CRB1: variants seen among roughly 807,000 people sequenced by gnomAD.
The protein encoded by CRB1 is crumbs cell polarity complex component 1, also known as protein crumbs homolog 1.
CRB1 carries 83 observed loss-of-function variants against 120.0 expected under a neutral mutation model. The observed-to-expected ratio is 0.69, with a 90% CI of 0.58 to 0.83. The LOEUF is 0.83. Among genes scored for constraint, CRB1 ranks in the 40% least tolerant of loss-of-function variants. The pLI, the probability that CRB1 is intolerant of heterozygous loss-of-function variation, is 0.00. For synonymous variants in CRB1, 625 were observed against 612.5 expected (o/e 1.02, Z -0.30); for missense variants, 1,699 against 1,687.6 (o/e 1.01, Z -0.12).
intron 1 of CRB1, among the ~76,000 whole-genome samples, chr1:197,323,224 G>A (rs1658304851): frequency 6.6e-6 from 1 of 152,008 alleles, no homozygotes; most frequent in Non-Finnish European, 1.5e-5. Context: ...AACATTAATT[G>A]TGTATAATAA....
the CRB1 span, among the ~76,000 whole-genome samples, chr1:197,242,060 A>C: frequency 9.2e-5 from 14 of 152,178 alleles, no homozygotes; most frequent in African/African-American, 3.1e-4. Context: ...ACTTTGCTGA[A>C]GTTGCTTATC....
At chr1:197,295,852 T>C (rs1285460727) in intron 1 of CRB1, among the ~76,000 whole-genome samples, 2 of 152,054 alleles carry the variant, frequency 1.3e-5, no homozygotes, top group Admixed American at 6.6e-5. Flanking sequence ...TAAAGTATTA[T>C]GTCTTCATAA....
chr1:197,318,793 T>TGTGGAAGTAGACA (rs1658005281), intron 1 of CRB1, among the ~76,000 whole-genome samples: 2 of 152,246 alleles, frequency 1.3e-5, no homozygotes, highest in South Asian at 4.1e-4. Flanking sequence ...AAGTTGTTCT[T>TGTGGAAGTAGACA]GTGGAAGTAG....
Position 197,453,769 on chromosome 1 carries a change from CTTA to C in CRB1, c.4005+11491_4005+11493del, listed in dbSNP as rs973280045. Among the ~76,000 whole-genome samples, 411 of 143,264 alleles carry C rather than the reference CTTA, an allele frequency of 2.9e-3. 4 individuals carry two copies. Among genetic ancestry groups the C allele is most frequent in the East Asian group, 0.02 (99 of 5,050 alleles). The allele number at this position is 143,264 out of a possible 152,430, so 94.0% of individuals were successfully genotyped here. ...TTTTCTTCTTCTACTTCCTCTTCTT[CTTA>C]TTATTATTATTATATTATTAATATA... On this transcript the variant is annotated intron_variant, in intron 11 of 11. Transcript: ENST00000367400.
At chr1:197,415,697 C>T (rs1663960433) in intron 5 of CRB1, among the ~76,000 whole-genome samples, 1 of 123,960 alleles carries the variant, frequency 8.1e-6, no homozygotes, top group Non-Finnish European at 1.6e-5. Context: ...GGCTGGAGTG[C>T]AGTGGTTTGA....
intron 5 of CRB1, among the ~76,000 whole-genome samples, chr1:197,412,442 A>T (rs1474508435): frequency 6.6e-6 from 1 of 152,214 alleles, no homozygotes; most frequent in Non-Finnish European, 1.5e-5. Flanking sequence ...AAGTTCTCAT[A>T]GCCTAGTATC....
intron 2 of CRB1, among the ~76,000 whole-genome samples, chr1:197,333,074 T>C (rs1228431517): frequency 6.6e-6 from 1 of 152,150 alleles, no homozygotes; most frequent in African/African-American, 2.4e-5. Context: ...TTTAGAGTGA[T>C]CATAAAGAAC....
intron 1 of CRB1, among the ~76,000 whole-genome samples, chr1:197,319,446 AAAAAAAAAAAAAG>A (rs1658057839): frequency 1.4e-5 from 2 of 147,932 alleles, no homozygotes; most frequent in Non-Finnish European, 3.0e-5. Context: ...AAAAAAAAAA[AAAAAAAAAAAAAG>A]AAAGAACGGA....
chr1:197,237,715 T>C, the CRB1 span, among the ~76,000 whole-genome samples: 1 of 152,220 alleles, frequency 6.6e-6, no homozygotes, highest in African/African-American at 2.4e-5. Flanking sequence ...TTGTCTTTCA[T>C]TTCTGATATT....
chr1:197,361,037 A>G (rs1366879783), intron 5 of CRB1, among the ~76,000 whole-genome samples: 5 of 152,152 alleles, frequency 3.3e-5, no homozygotes, highest in African/African-American at 1.2e-4. Context: ...TATTTAGCCT[A>G]TTGATGTGGT....
intron 5 of CRB1, among the ~76,000 whole-genome samples, chr1:197,396,514 T>C (rs1266021442): frequency 6.6e-6 from 1 of 151,822 alleles, no homozygotes; most frequent in Non-Finnish European, 1.5e-5. Flanking sequence ...AATAAAACAA[T>C]AAAAACCAAT....
At chr1:197,456,989 A>C (rs1029117416) in intron 11 of CRB1, among the ~76,000 whole-genome samples, 2 of 152,150 alleles carry the variant, frequency 1.3e-5, no homozygotes, top group Non-Finnish European at 2.9e-5. Context: ...TTTGCTCTAA[A>C]GCCAGTAAGA....
intron 5 of CRB1, among the ~76,000 whole-genome samples, chr1:197,404,107 T>C (rs1029015983): frequency 6.6e-6 from 1 of 152,220 alleles, no homozygotes. Flanking sequence ...CTTGTTTTGT[T>C]CTGCAAGTTG....
intron 1 of CRB1, among the ~76,000 whole-genome samples, chr1:197,300,625 A>G (rs1656809876): frequency 6.6e-6 from 1 of 152,234 alleles, no homozygotes; most frequent in African/African-American, 2.4e-5. Context: ...GTGAAGTAGC[A>G]GGTGCTAATG....
intron 1 of CRB1, among the ~76,000 whole-genome samples, chr1:197,320,877 T>C (rs1458969118): frequency 6.6e-6 from 1 of 152,240 alleles, no homozygotes; most frequent in Non-Finnish European, 1.5e-5. Flanking sequence ...TGATGTCTCA[T>C]GCATTTTCTA....
chr1:197,356,927 A>T lies in CRB1; in HGVS notation c.1085A>T (p.Gln362Leu). The change falls in exon 5 of 12, where the codon CAA (glutamine) becomes CTA (leucine). Residue 362 changes from glutamine to leucine, a missense_variant. Physicochemically the swap from Gln to Leu is moderately radical, Grantham distance 113. Coordinates refer to ENST00000367400, the MANE Select transcript of CRB1 (RefSeq NM_201253.3). ...GECVELSSEK[Q>L]YGRITGLPSS... ...TGTGTGGAGCTGTCCTCAGAGAAACAATATGGACGCATCACTGGACTGCCT... is the reference window on the plus strand; with the variant it reads ...TGTGTGGAGCTGTCCTCAGAGAAACTATATGGACGCATCACTGGACTGCCT... 1 of 1,614,226 alleles carries T rather than the reference A, an allele frequency of 6.2e-7. No homozygotes were observed. Among genetic ancestry groups the T allele is most frequent in the Non-Finnish European group, 8.5e-7 (1 of 1,180,014 alleles).
chr1:197,458,285 C>A lies in CRB1; in HGVS notation c.4005+15993C>A, dbSNP rs1405298079. Among the ~76,000 whole-genome samples the A allele has an allele frequency of 4.0e-5, 6 of 151,896 alleles. No individual in the cohort carries two copies. In the South Asian group the frequency reaches 1.2e-3, roughly 32 times the overall value. ...CAAGTAGAAGGAGCCCTACAGCAGC[C>A]ACAGGAGTTTAGGGACATGGATGAA... On this transcript the variant is annotated intron_variant, in intron 11 of 11. Transcript: ENST00000367400.
At chr1:197,436,032 G>A (rs1665143880) in intron 9 of CRB1, among the ~76,000 whole-genome samples, 1 of 152,012 alleles carries the variant, frequency 6.6e-6, no homozygotes, top group Non-Finnish European at 1.5e-5. Flanking sequence ...CTAAAATCCC[G>A]AAAACAGTAC....
rs1279989141 is a variant in CRB1, at chr1:197,434,828, A to G, written c.2965A>G (p.Ile989Val). 6.2e-7 allele frequency: 1 copy of G among 1,613,642 alleles called. No homozygotes were observed. Among genetic ancestry groups the G allele is most frequent in the East Asian group, 2.2e-5 (1 of 44,896 alleles). ...CAGAACAAGGGATGCAAATGTAATA[A>G]TATTGCATGCAGAAAAAGAGCCTGA... ...GFRTRDANVI[I>V]LHAEKEPEFL... The change falls in exon 9 of 12, where the codon ATA becomes GTA. Residue 989 changes from isoleucine to valine, a missense_variant. By Grantham distance (29) the Ile-to-Val change is conservative. Coordinates refer to ENST00000367400, the MANE Select transcript of CRB1 (RefSeq NM_201253.3).
Sources: allele counts gnomAD v4.1 joint callset (sites outside exome capture counted in the v4.1 genomes callset), GRCh38; gene constraint gnomAD v4.1.1; transcripts MANE v1.5; gene names NCBI Gene and HGNC (gene_info 2026-07-23, HGNC 2026-07-21).